GPC4: variants seen among roughly 807,000 people sequenced by gnomAD.
GPC4 encodes the protein glypican-4.
GPC4 carries 10 observed loss-of-function variants against 35.0 expected under a neutral mutation model. The observed-to-expected ratio is 0.29, with a 90% CI of 0.18 to 0.48. The LOEUF (loss-of-function observed/expected upper bound fraction) is 0.48. Ranked by LOEUF, GPC4 falls within the 20% of genes least tolerant of loss-of-function variation. GPC4 has a pLI of 0.99. For synonymous variants in GPC4, 167 were observed against 170.2 expected, an observed-to-expected ratio of 0.98 and a Z score of 0.15; for missense variants, 322 against 451.3, an observed-to-expected ratio of 0.71 and a Z score of 2.60.
intron 3 of GPC4, among the ~76,000 whole-genome samples, chrX:133,323,089 G>A (rs111300671): frequency 0.013 from 1,494 of 111,307 alleles, 32 homozygotes; most frequent in African/African-American, 0.046. Flanking sequence ...GTGGAACTGG[G>A]AGATAAAGGC....
At chrX:133,392,536 T>C (rs2068724182) in intron 1 of GPC4, among the ~76,000 whole-genome samples, 1 of 107,744 alleles carries the variant, frequency 9.3e-6, no homozygotes, top group African/African-American at 3.4e-5. Flanking sequence ...ATCTTGTATG[T>C]CCCAATTGTG....
At chrX:133,394,849 G>A (rs1378303177) in intron 1 of GPC4, among the ~76,000 whole-genome samples, 1 of 111,898 alleles carries the variant, frequency 8.9e-6, no homozygotes, top group Non-Finnish European at 1.9e-5. Context: ...TCTATTGGAA[G>A]ATCAGTAGAA....
At position 133,406,315 on chromosome X, in the gene GPC4, T is replaced by C. The variant is rs139954387; in HGVS notation, c.160+8491A>G. On this transcript the variant is annotated intron_variant, in intron 1 of 8. Transcript: ENST00000370828. ...TCTTGATTGAAAACATTTTCCTCCA[T>C]GTTTGACACACCTTTCTCTTAAATC... 3.1e-3 allele frequency among the ~76,000 whole-genome samples: 350 copies of C among 112,486 alleles called. 4 individuals are homozygous for C. The highest frequency in any genetic ancestry group is 0.011 in the African/African-American group (327 of 31,047).
chrX:133,410,072 C>T (rs1296625717), intron 1 of GPC4, among the ~76,000 whole-genome samples: 1 of 111,655 alleles, frequency 9.0e-6, no homozygotes, highest in Admixed American at 9.5e-5. Context: ...ACCATTAACA[C>T]TAGATTGTCT....
At chrX:133,327,636 A>AGTGTGTGTGTGTGT (rs557359106) in intron 2 of GPC4, among the ~76,000 whole-genome samples, 113 of 83,277 alleles carry the variant, frequency 1.4e-3, no homozygotes, top group African/African-American at 4.8e-3. Flanking sequence ...TGTCCAGGAA[A>AGTGTGTGTGTGTGT]GTGTGTGTGT....
intron 1 of GPC4, among the ~76,000 whole-genome samples, chrX:133,406,765 A>G (rs1437343264): frequency 1.5e-4 from 16 of 105,870 alleles, no homozygotes; most frequent in East Asian, 1.5e-3. Flanking sequence ...AAAAAAAAAA[A>G]AAAAGAAAAT....
At position 133,404,110 on chromosome X, in the gene GPC4, A is replaced by G. The variant is rs141202222; in HGVS notation, c.160+10696T>C. On this transcript the variant is annotated intron_variant, in intron 1 of 8. Coordinates refer to ENST00000370828, the MANE Select transcript of GPC4 (RefSeq NM_001448.3). ...AGTTTGGTAAATGTTTACAAGGGAA[A>G]CCAGTATTCAAATGTGTCACCCTTA... 4.8e-3 allele frequency among the ~76,000 whole-genome samples: 537 copies of G among 111,467 alleles called. 5 individuals are homozygous for G. The highest frequency in any genetic ancestry group is 0.017 in the African/African-American group (507 of 30,625).
chrX:133,301,914 G>C lies in GPC4; in HGVS notation c.*953C>G, dbSNP rs1412460663. ...TTGAAATCTCGACCACTCTAACAAAGGATATTAATTCAAATAGGGTCAGTG... is the reference window on the plus strand; with the variant it reads ...TTGAAATCTCGACCACTCTAACAAACGATATTAATTCAAATAGGGTCAGTG... On this transcript the variant is annotated 3_prime_UTR_variant, in exon 9 of 9. Coordinates refer to ENST00000370828, the MANE Select transcript of GPC4 (RefSeq NM_001448.3). The C allele has an allele frequency of 2.7e-5, 3 of 111,112 alleles. No individual in the cohort carries two copies. Among genetic ancestry groups the C allele is most frequent in the Non-Finnish European group, 5.7e-5 (3 of 53,054 alleles). The allele number at this position is 111,112 out of a possible 1,213,427, so 9.2% of individuals were successfully genotyped here. A position where few individuals can be genotyped will look rare whatever the true frequency, so the allele number is the denominator to read the frequency against.
chrX:133,351,082 T>C (rs2068514301), intron 1 of GPC4, among the ~76,000 whole-genome samples: 1 of 112,746 alleles, frequency 8.9e-6, no homozygotes, highest in Non-Finnish European at 1.9e-5. Context: ...TTATTACCAT[T>C]TAATAGGCTC....
At chrX:133,370,593 C>CGA (rs1324833957) in intron 1 of GPC4, among the ~76,000 whole-genome samples, 19 of 111,224 alleles carry the variant, frequency 1.7e-4, no homozygotes, top group Middle Eastern at 4.6e-3. Flanking sequence ...CTCTACTTTT[C>CGA]AACCTGGATC....
chrX:133,340,225 C>T (rs958659830), intron 1 of GPC4, among the ~76,000 whole-genome samples: 1 of 110,022 alleles, frequency 9.1e-6, no homozygotes, highest in South Asian at 3.9e-4. Context: ...CCCAGAGTTC[C>T]CCCCCTTGTT....
At chrX:133,306,515 T>C (rs766280734) in intron 4 of GPC4, among the ~76,000 whole-genome samples, 2 of 111,724 alleles carry the variant, frequency 1.8e-5, no homozygotes, top group Non-Finnish European at 3.8e-5. Flanking sequence ...CAAAATAACA[T>C]GCCAGCTCTC....
At chrX:133,311,630 A>G in intron 3 of GPC4, 1 of 451,440 alleles carries the variant, frequency 2.2e-6, no homozygotes, top group Non-Finnish European at 3.9e-6. Context: ...AGATGACCCA[A>G]AACAAACAAG....
At chrX:133,346,045 T>C (rs953760675) in intron 1 of GPC4, among the ~76,000 whole-genome samples, 2 of 111,575 alleles carry the variant, frequency 1.8e-5, no homozygotes, top group African/African-American at 6.5e-5. Context: ...CCACTTGGTG[T>C]TTACCCCATG....
intron 1 of GPC4, among the ~76,000 whole-genome samples, chrX:133,356,445 A>G (rs2068542019): frequency 9.0e-6 from 1 of 111,199 alleles, no homozygotes; most frequent in African/African-American, 3.3e-5. Context: ...GGGTTTCACC[A>G]TGTTGGCCAG....
chrX:133,382,109 A>G (rs980146250), intron 1 of GPC4, among the ~76,000 whole-genome samples: 1 of 112,284 alleles, frequency 8.9e-6, no homozygotes. Flanking sequence ...TATTAAGATC[A>G]TAAGAAAACA....
intron 3 of GPC4, among the ~76,000 whole-genome samples, chrX:133,322,026 A>G (rs1456458467): frequency 9.0e-6 from 1 of 111,538 alleles, no homozygotes; most frequent in Non-Finnish European, 1.9e-5. Context: ...ATGAGCACCT[A>G]TTTTTCATAA....
intron 1 of GPC4, among the ~76,000 whole-genome samples, chrX:133,371,720 CA>C (rs1417723105): frequency 4.5e-5 from 5 of 111,754 alleles, no homozygotes; most frequent in Non-Finnish European, 9.4e-5. Flanking sequence ...ATAAATATAA[CA>C]AACCTTAGGC....
At chrX:133,343,017 C>T (rs762754492) in intron 1 of GPC4, among the ~76,000 whole-genome samples, 35 of 111,197 alleles carry the variant, frequency 3.1e-4, no homozygotes, top group Non-Finnish European at 6.4e-4. Context: ...AAGAAAGATG[C>T]CACAATTTTT....
Sources: allele counts gnomAD v4.1 joint callset (sites outside exome capture counted in the v4.1 genomes callset), GRCh38; gene constraint gnomAD v4.1.1; transcripts MANE v1.5; gene names NCBI Gene and HGNC (gene_info 2026-07-23, HGNC 2026-07-21).